SRPK2: variants seen among roughly 807,000 people sequenced by gnomAD.
SRPK2 encodes the protein SFRS protein kinase 2.
In SRPK2, 21 loss-of-function variants were observed where a neutral mutation model predicts 90.8. The observed-to-expected ratio is 0.23, with a 90% CI of 0.16 to 0.33. The LOEUF is 0.33. SRPK2 is among the 10% of genes least tolerant of loss of function. The probability of loss-of-function intolerance (pLI) is 1.00; values close to 1 mark genes in which losing one functional copy is unlikely to be tolerated. For synonymous variants in SRPK2, 288 were observed against 311.1 expected, an observed-to-expected ratio of 0.93 and a Z score of 0.78; for missense variants, 620 against 869.0, an observed-to-expected ratio of 0.71 and a Z score of 3.60.
At chr7:105,141,905 C>T (rs2129576595) in intron 11 of SRPK2, 103 bp downstream of exon 11, 2 of 1,333,638 alleles carry the variant, frequency 1.5e-6, no homozygotes, top group African/African-American at 1.5e-5. Context: ...TCAGTACACA[C>T]ACACAGGGCT....
At chr7:105,389,502 T>G (rs1351780219), upstream of SRPK2, 11 of 931,526 alleles carry the variant, frequency 1.2e-5, no homozygotes, top group East Asian at 5.5e-4. Flanking sequence ...CCCTCCAGGA[T>G]TGCATGAGTT....
At chr7:105,315,863 T>C (rs924154283) in intron 2 of SRPK2, among the ~76,000 whole-genome samples, 1 of 152,192 alleles carries the variant, frequency 6.6e-6, no homozygotes, top group African/African-American at 2.4e-5. Context: ...TTGTTAATTC[T>C]GAGATTCTAT....
At chr7:105,233,627 G>C (rs888475587) in intron 2 of SRPK2, among the ~76,000 whole-genome samples, 1 of 152,182 alleles carries the variant, frequency 6.6e-6, no homozygotes, top group Non-Finnish European at 1.5e-5. Context: ...GCCAAAGCCG[G>C]TGGATCACTT....
intron 2 of SRPK2, among the ~76,000 whole-genome samples, chr7:105,233,111 G>T (rs188104313): frequency 7.2e-6 from 1 of 139,070 alleles, no homozygotes; most frequent in East Asian, 2.5e-4. Context: ...AAGGAAGGAA[G>T]GAAGGAAGGA....
chr7:105,370,391 A>G (rs1819560039), intron 2 of SRPK2, among the ~76,000 whole-genome samples: 1 of 152,136 alleles, frequency 6.6e-6, no homozygotes, highest in Non-Finnish European at 1.5e-5. Context: ...TATGTTCACA[A>G]AGTTGAATGA....
chr7:105,208,963 A>C (rs1176808113), intron 2 of SRPK2, among the ~76,000 whole-genome samples: 3 of 152,022 alleles, frequency 2.0e-5, no homozygotes, highest in African/African-American at 7.3e-5. Flanking sequence ...CTCTACAAAA[A>C]CAACAATAAA....
At chr7:105,233,080 AAAGGAAGGAAAGAAGGAAGGAAGG>A (rs1362858755) in intron 2 of SRPK2, among the ~76,000 whole-genome samples, 12 of 117,164 alleles carry the variant, frequency 1.0e-4, no homozygotes, top group South Asian at 2.9e-4. Context: ...GGAAGGAAGG[AAAGGAAGGAAAGAAGGAAGGAAGG>A]AAGGAAGGAA....
intron 15 of SRPK2, among the ~76,000 whole-genome samples, chr7:105,119,754 G>C (rs1800061652): frequency 6.6e-6 from 1 of 152,170 alleles, no homozygotes; most frequent in South Asian, 2.1e-4. Context: ...TCCGGCTCTA[G>C]GAATCCAGCC....
At chr7:105,390,181 TCTC>T (rs1402460263), upstream of SRPK2, among the ~76,000 whole-genome samples, 5 of 152,134 alleles carry the variant, frequency 3.3e-5, no homozygotes, top group Non-Finnish European at 7.3e-5. Flanking sequence ...ATAAAGATAA[TCTC>T]CCACATAATC....
chr7:105,344,597 C>A (rs1233027635), intron 2 of SRPK2, among the ~76,000 whole-genome samples: 1 of 151,832 alleles, frequency 6.6e-6, no homozygotes, highest in Admixed American at 6.6e-5. Context: ...ATTTAAAAAA[C>A]ATAAAAGCTA....
At chr7:105,225,961 G>C (rs949901212) in intron 2 of SRPK2, among the ~76,000 whole-genome samples, 1 of 152,198 alleles carries the variant, frequency 6.6e-6, no homozygotes, top group African/African-American at 2.4e-5. Flanking sequence ...GCGGGGGTTA[G>C]CAGACTGGAC....
chr7:105,142,582 G>C, intron 10 of SRPK2, 92 bp from the exon 11 acceptor site: 1 of 1,486,068 alleles, frequency 6.7e-7, no homozygotes, highest in East Asian at 2.3e-5. Context: ...AATACATTTT[G>C]AATATGCTTA....
chr7:105,183,526 G>A (rs1415561785), intron 3 of SRPK2, among the ~76,000 whole-genome samples: 4 of 152,130 alleles, frequency 2.6e-5, no homozygotes, highest in Non-Finnish European at 4.4e-5. Flanking sequence ...TCACTCTGTT[G>A]CCCAGGCTGG....
intron 15 of SRPK2, among the ~76,000 whole-genome samples, chr7:105,120,680 T>C (rs1800214193): frequency 6.6e-6 from 1 of 152,184 alleles, no homozygotes; most frequent in South Asian, 2.1e-4. Context: ...TGTGGACTTT[T>C]TTTGTGGAAA....
intron 2 of SRPK2, among the ~76,000 whole-genome samples, chr7:105,325,945 C>T (rs1239421512): frequency 6.6e-6 from 1 of 152,198 alleles, no homozygotes; most frequent in African/African-American, 2.4e-5. Context: ...CCTGCCCAGG[C>T]GGAAAAACAA....
At chr7:105,272,118 C>T (rs1414660464) in intron 2 of SRPK2, among the ~76,000 whole-genome samples, 1 of 152,154 alleles carries the variant, frequency 6.6e-6, no homozygotes, top group Non-Finnish European at 1.5e-5. Flanking sequence ...AATGACACAT[C>T]TTCACAATTC....
At chr7:105,328,211 T>C (rs1813820207) in intron 2 of SRPK2, among the ~76,000 whole-genome samples, 1 of 151,834 alleles carries the variant, frequency 6.6e-6, no homozygotes, top group Non-Finnish European at 1.5e-5. Flanking sequence ...GGCAGGAGGG[T>C]AGATTGCAGA....
intron 3 of SRPK2, among the ~76,000 whole-genome samples, chr7:105,183,721 C>A (rs148857508): frequency 1.3e-5 from 2 of 151,996 alleles, no homozygotes; most frequent in Non-Finnish European, 2.9e-5. Context: ...AATTCCTGAC[C>A]TCAAATGATC....
chr7:105,371,586 C>CAAAA (rs66731193), intron 2 of SRPK2, among the ~76,000 whole-genome samples: 11 of 106,680 alleles, frequency 1.0e-4, no homozygotes, highest in African/African-American at 1.6e-4. Context: ...CCCATCTCTA[C>CAAAA]AAAAAAAAAA....
Sources: allele counts gnomAD v4.1 joint callset (sites outside exome capture counted in the v4.1 genomes callset), GRCh38; gene constraint gnomAD v4.1.1; transcripts MANE v1.5; gene names NCBI Gene and HGNC (gene_info 2026-07-23, HGNC 2026-07-21).